ATP11C: variants seen among roughly 807,000 people sequenced by gnomAD.
The protein encoded by ATP11C is ATPase phospholipid transporting 11C (ATP11C blood group).
ATP11C carries 36 observed loss-of-function variants against 97.4 expected under a neutral mutation model. The ratio of observed to expected loss-of-function variants is 0.37; its 90% confidence interval spans 0.28 to 0.49. The LOEUF (loss-of-function observed/expected upper bound fraction) is 0.49. ATP11C is among the 20% of genes least tolerant of loss of function. ATP11C has a pLI of 0.98. For synonymous variants in ATP11C, 275 were observed against 290.9 expected, an observed-to-expected ratio of 0.95 and a Z score of 0.56; for missense variants, 730 against 824.6, an observed-to-expected ratio of 0.89 and a Z score of 1.40.
At chrX:139,895,980 T>TA (rs1476741131) in intron 1 of ATP11C, among the ~76,000 whole-genome samples, 60 of 111,477 alleles carry the variant, frequency 5.4e-4, no homozygotes, top group African/African-American at 1.9e-3. Flanking sequence ...AACATACACT[T>TA]AGAAGAAATA....
intron 1 of ATP11C, among the ~76,000 whole-genome samples, chrX:139,887,006 C>G (rs910652737): frequency 9.0e-6 from 1 of 111,372 alleles, no homozygotes; most frequent in African/African-American, 3.3e-5. Context: ...TAACATAGAT[C>G]AATGAAACAA....
At chrX:139,882,704 G>A (rs1326584980) in intron 1 of ATP11C, among the ~76,000 whole-genome samples, 1 of 111,566 alleles carries the variant, frequency 9.0e-6, no homozygotes, top group African/African-American at 3.3e-5. Context: ...AGCCTTCTCA[G>A]CCCCCTCACC....
At chrX:139,780,187 A>G (rs1421292169) in intron 18 of ATP11C, among the ~76,000 whole-genome samples, 1 of 111,579 alleles carries the variant, frequency 9.0e-6, no homozygotes, top group Admixed American at 9.5e-5. Context: ...AGATTCCTCC[A>G]TAACTCATTC....
At chrX:139,935,597 A>T (rs2085512767), upstream of ATP11C, among the ~76,000 whole-genome samples, 1 of 111,050 alleles carries the variant, frequency 9.0e-6, no homozygotes, top group Non-Finnish European at 1.9e-5. Flanking sequence ...ATATAGCAGT[A>T]TTGTTGATTT....
At chrX:139,911,415 T>C (rs1450529364) in intron 1 of ATP11C, among the ~76,000 whole-genome samples, 3 of 111,901 alleles carry the variant, frequency 2.7e-5, no homozygotes, top group Non-Finnish European at 3.8e-5. Context: ...ATTAATATCA[T>C]CGTGAAATAA....
At chrX:139,910,899 C>T (rs1445110038) in intron 1 of ATP11C, among the ~76,000 whole-genome samples, 2 of 111,503 alleles carry the variant, frequency 1.8e-5, no homozygotes, top group Non-Finnish European at 3.8e-5. Flanking sequence ...CCGAAATCTA[C>T]TTCAGGTCAC....
At chrX:139,761,686 C>T (rs1228523345) in intron 22 of ATP11C, among the ~76,000 whole-genome samples, 2 of 111,003 alleles carry the variant, frequency 1.8e-5, no homozygotes, top group African/African-American at 3.3e-5. Context: ...TTTGGCAAAA[C>T]TCATGGAACT....
At chrX:139,844,290 A>C (rs1312845852) in intron 1 of ATP11C, among the ~76,000 whole-genome samples, 2 of 112,351 alleles carry the variant, frequency 1.8e-5, no homozygotes, top group Non-Finnish European at 3.8e-5. Flanking sequence ...ATGATAAATG[A>C]CTCAGTTTAG....
At chrX:139,898,888 A>T (rs2084851648) in intron 1 of ATP11C, among the ~76,000 whole-genome samples, 1 of 111,636 alleles carries the variant, frequency 9.0e-6, no homozygotes, top group Non-Finnish European at 1.9e-5. Context: ...ACAGTAACTT[A>T]ACAGTGGAGG....
At chrX:139,873,269 C>T (rs982610639) in intron 1 of ATP11C, among the ~76,000 whole-genome samples, 4 of 111,933 alleles carry the variant, frequency 3.6e-5, no homozygotes, top group Non-Finnish European at 7.5e-5. Context: ...TTGCCAGGGG[C>T]TGGGGAGAAA....
intron 9 of ATP11C, 85 bp from the exon 10 acceptor site, chrX:139,798,439 A>AAT: frequency 1.4e-6 from 1 of 735,875 alleles, no homozygotes; most frequent in South Asian, 2.6e-5. Flanking sequence ...TTAAGTCTAT[A>AAT]AAAGTGGGAA....
chrX:139,862,329 G>C (rs2084213918), intron 1 of ATP11C, among the ~76,000 whole-genome samples: 1 of 111,343 alleles, frequency 9.0e-6, no homozygotes. Context: ...AACCCAAGGA[G>C]AGGTTCATGG....
chrX:139,839,981 A>G (rs932148826), intron 1 of ATP11C, among the ~76,000 whole-genome samples: 17 of 111,288 alleles, frequency 1.5e-4, no homozygotes, highest in African/African-American at 5.6e-4. Flanking sequence ...TCAGATCTCA[A>G]CAACCATAAT....
At chrX:139,762,169 TCA>T in intron 21 of ATP11C, 63 bp from the exon 22 acceptor site, 8 of 891,497 alleles carry the variant, frequency 9.0e-6, no homozygotes, top group Non-Finnish European at 1.2e-5. Context: ...TGATTTATCT[TCA>T]CAGTTTCAAC....
chrX:139,927,419 T>G (rs1445438074), intron 1 of ATP11C, among the ~76,000 whole-genome samples: 1 of 111,085 alleles, frequency 9.0e-6, no homozygotes, highest in Non-Finnish European at 1.9e-5. Context: ...CTGGCCAACA[T>G]GGTGAAACCC....
intron 23 of ATP11C, 109 bp downstream of exon 23, chrX:139,757,699 T>C: frequency 2.1e-6 from 1 of 472,881 alleles, no homozygotes; most frequent in Non-Finnish European, 3.3e-6. Flanking sequence ...AACCAAGAGA[T>C]CATTTTACTT....
intron 27 of ATP11C, among the ~76,000 whole-genome samples, chrX:139,739,679 A>G (rs185791782): frequency 8.9e-6 from 1 of 111,995 alleles, no homozygotes; most frequent in Non-Finnish European, 1.9e-5. Context: ...TTTCATCAAT[A>G]AGGAATAGTC....
At chrX:139,782,405 C>T (rs1300344992) in intron 18 of ATP11C, 142 bp downstream of exon 18, 2 of 347,633 alleles carry the variant, frequency 5.8e-6, no homozygotes, top group Non-Finnish European at 9.5e-6. Context: ...ATTTTTCATA[C>T]TTGCTATAAT....
intron 28 of ATP11C, among the ~76,000 whole-genome samples, chrX:139,734,703 C>A (rs1489411726): frequency 9.0e-6 from 1 of 111,014 alleles, no homozygotes; most frequent in African/African-American, 3.3e-5. Context: ...CATCATATAC[C>A]CTCAACAGCA....
Sources: gnomAD v4.1 joint callset for allele counts (sites outside exome capture counted in the v4.1 genomes callset) on GRCh38, gnomAD v4.1.1 for gene constraint, MANE v1.5 for transcripts, NCBI Gene and HGNC (gene_info 2026-07-23, HGNC 2026-07-21) for gene names.